Variants in DCDC2C observed in about 807,000 individuals in gnomAD.
DCDC2C encodes the protein doublecortin domain containing 2C, also known as doublecortin domain-containing protein 2C.
DCDC2C carries 44 observed loss-of-function variants against 45.0 expected under a neutral mutation model. The observed-to-expected ratio is 0.98, with a 90% CI of 0.77 to 1.26. DCDC2C has a LOEUF of 1.26. DCDC2C is among the 50% of genes most tolerant of loss of function. The pLI, the probability that DCDC2C is intolerant of heterozygous loss-of-function variation, is 0.00. For synonymous variants in DCDC2C, 187 were observed against 178.8 expected, an observed-to-expected ratio of 1.05 and a Z score of -0.37; for missense variants, 447 against 468.9, an observed-to-expected ratio of 0.95 and a Z score of 0.43.
rs752018998 is a variant in DCDC2C at position 3,726,986 on chromosome 2, G to GT, written c.340-11dup. 3.2e-6 allele frequency: 5 copies of GT among 1,549,648 alleles called. No individual in the cohort carries two copies. Among genetic ancestry groups the GT allele is most frequent in the Non-Finnish European group, 3.5e-6 (4 of 1,146,232 alleles). On this transcript the variant is annotated splice_polypyrimidine_tract_variant and intron_variant, in intron 2 of 10. Transcript: ENST00000399143. ...TAATTTGAACTGAATTCCCAGGTGT[G>GT]TTTTTTCCTTTTTCAGATCAAACCA...
chr2:3,725,742 G>A (rs66794250), intron 2 of DCDC2C, among the ~76,000 whole-genome samples: 14,156 of 105,588 alleles, frequency 0.13, 1,169 homozygotes, highest in Non-Finnish European at 0.18. Flanking sequence ...GGTGGATCCC[G>A]GAGAGAGACT....
At position 3,785,023 on chromosome 2, in the gene DCDC2C, C is replaced by T. The variant is rs78514286; in HGVS notation, c.1024-36C>T. 1.1e-4 allele frequency: 140 copies of T among 1,221,652 alleles called. No homozygotes were observed. In the East Asian group the frequency reaches 2.1e-3, roughly 18 times the overall value. The allele number at this position is 1,221,652 out of a possible 1,614,324, so 75.7% of individuals were successfully genotyped here. A position where few individuals can be genotyped will look rare whatever the true frequency, so the allele number is the denominator to read the frequency against. ...GATTTATTTTACAACATCCTTCTTG[C>T]GATAGTTGATTCCTATATTTGTTTT... On this transcript the variant is annotated intron_variant, in intron 9 of 10. Transcript: ENST00000399143.
At chr2:3,817,936 G>C (rs1671595239) in intron 10 of DCDC2C, among the ~76,000 whole-genome samples, 1 of 152,148 alleles carries the variant, frequency 6.6e-6, no homozygotes, top group Admixed American at 6.5e-5. Flanking sequence ...GAAAGGAAAG[G>C]AGTTGCTGTT....
intron 10 of DCDC2C, among the ~76,000 whole-genome samples, chr2:3,796,242 T>C (rs1670948222): frequency 9.4e-6 from 1 of 106,136 alleles, no homozygotes. Flanking sequence ...TTGCTGAAGT[T>C]GCTTATCAGC....
chr2:3,762,141 T>G (rs1669894975), intron 6 of DCDC2C, among the ~76,000 whole-genome samples: 1 of 149,746 alleles, frequency 6.7e-6, no homozygotes, highest in Non-Finnish European at 1.5e-5. Flanking sequence ...TCCTGCTTGA[T>G]CCATGTTTTC....
intron 6 of DCDC2C, among the ~76,000 whole-genome samples, chr2:3,760,824 A>G (rs1669859339): frequency 6.7e-6 from 1 of 149,406 alleles, no homozygotes; most frequent in South Asian, 2.2e-4. Context: ...CTGCACATGT[A>G]TCCCAGAACT....
rs1413578890 is a variant in DCDC2C at position 3,761,918 on chromosome 2, A to G, written c.727-5836A>G. Among the ~76,000 whole-genome samples, 1 of 152,214 alleles carries G rather than the reference A, an allele frequency of 6.6e-6. No homozygotes were observed. Among genetic ancestry groups the G allele is most frequent in the Non-Finnish European group, 1.5e-5 (1 of 68,036 alleles). ...GCTCTGGAGAAAAATAATAGTCTTT[A>G]AAGCACTGCAGAGAAATAAAACCAA... On this transcript the variant is annotated intron_variant, in intron 6 of 10. Coordinates refer to ENST00000399143, the MANE Select transcript of DCDC2C (RefSeq NM_001287444.2). The surrounding 1 kb of genome is among the most constrained non-coding windows in gnomAD (Gnocchi z 4.3).
At position 3,760,239 on chromosome 2, in the gene DCDC2C, A is replaced by AT. The variant is rs1426926016; in HGVS notation, c.726+5612dup. On this transcript the variant is annotated intron_variant, in intron 6 of 10. Coordinates refer to ENST00000399143, the MANE Select transcript of DCDC2C (RefSeq NM_001287444.2). ...GTTTCCATTTTGAATAGAAGAAAAT[A>AT]TTTTTTTCTTAATTCAGCAAAAGAA... Among the ~76,000 whole-genome samples, 3 of 152,186 alleles carry AT rather than the reference A, an allele frequency of 2.0e-5. No homozygotes were observed. The East Asian group carries it at 5.8e-4, about 29-fold the overall frequency.
chr2:3,779,826 G>A (rs1670462150), intron 9 of DCDC2C, among the ~76,000 whole-genome samples: 1 of 152,104 alleles, frequency 6.6e-6, no homozygotes, highest in African/African-American at 2.4e-5. Context: ...CCACCTTGAA[G>A]AAAGGGGAGG....
chr2:3,847,768 G>A lies in DCDC2C; in HGVS notation c.*585G>A, dbSNP rs1187830548. Among the ~76,000 whole-genome samples the A allele has an allele frequency of 6.6e-6, 1 of 152,164 alleles. No homozygotes were observed. The highest frequency in any genetic ancestry group is 6.5e-5 in the Admixed American group (1 of 15,284). On this transcript the variant is annotated 3_prime_UTR_variant, in exon 11 of 11. Transcript: ENST00000399143. Reference sequence around the variant, plus strand: ...CCGGTGGGAGGTGATTGAATCATGGGGGTGGTCTTCCCCCTTGCTGTTCTC... The same window carrying A: ...CCGGTGGGAGGTGATTGAATCATGGAGGTGGTCTTCCCCCTTGCTGTTCTC...
At chr2:3,814,573 T>C (rs1157617111) in intron 10 of DCDC2C, among the ~76,000 whole-genome samples, 1 of 152,186 alleles carries the variant, frequency 6.6e-6, no homozygotes, top group Non-Finnish European at 1.5e-5. Context: ...TGGAGAGACG[T>C]TGTGATCATT....
chr2:3,798,661 T>C (rs1183027233), intron 10 of DCDC2C, among the ~76,000 whole-genome samples: 2 of 150,474 alleles, frequency 1.3e-5, no homozygotes, highest in Non-Finnish European at 3.0e-5. Flanking sequence ...AAATTCTGGG[T>C]TGAAAATTCT....
chr2:3,794,555 C>T (rs894569677), intron 10 of DCDC2C, among the ~76,000 whole-genome samples: 1 of 152,102 alleles, frequency 6.6e-6, no homozygotes, highest in Non-Finnish European at 1.5e-5. Flanking sequence ...ATGATGTTCC[C>T]CTTCCTGTGT....
At chr2:3,744,468 A>G (rs1427561398) in intron 4 of DCDC2C, among the ~76,000 whole-genome samples, 1 of 152,200 alleles carries the variant, frequency 6.6e-6, no homozygotes, top group Non-Finnish European at 1.5e-5. Flanking sequence ...GGTGTGAAGG[A>G]CTGCCCTGGG....
At chr2:3,806,870 C>T (rs527325276) in intron 10 of DCDC2C, among the ~76,000 whole-genome samples, 2 of 152,180 alleles carry the variant, frequency 1.3e-5, no homozygotes, top group South Asian at 2.1e-4. Context: ...CTTTGTTGCT[C>T]GTGACTGCTT....
chr2:3,821,403 GC>G (rs1445401310), intron 10 of DCDC2C, among the ~76,000 whole-genome samples: 1 of 152,162 alleles, frequency 6.6e-6, no homozygotes, highest in Non-Finnish European at 1.5e-5. Context: ...TACTGAACTG[GC>G]TATGATCTCC....
At chr2:3,798,428 T>G (rs1294928877) in intron 10 of DCDC2C, among the ~76,000 whole-genome samples, 3 of 151,722 alleles carry the variant, frequency 2.0e-5, no homozygotes, top group South Asian at 2.1e-4. Context: ...GTTAGCTGGT[T>G]ATTTTGCTCG....
At chr2:3,784,295 T>TTA (rs1670591419) in intron 9 of DCDC2C, among the ~76,000 whole-genome samples, 3 of 152,180 alleles carry the variant, frequency 2.0e-5, no homozygotes, top group African/African-American at 7.2e-5. Flanking sequence ...ATGCAGCCCT[T>TTA]TGGAAAAGAG....
intron 10 of DCDC2C, among the ~76,000 whole-genome samples, chr2:3,843,536 C>G (rs982444267): frequency 4.6e-5 from 7 of 152,222 alleles, no homozygotes; most frequent in African/African-American, 7.2e-5. Context: ...AAATGGCATT[C>G]ATCCCCATAG....
Sources: gnomAD v4.1 joint callset for allele counts (sites outside exome capture counted in the v4.1 genomes callset) on GRCh38, gnomAD v4.1.1 for gene constraint, Gnocchi (gnomAD v3.1) non-coding constraint, MANE v1.5 for transcripts, NCBI Gene and HGNC (gene_info 2026-07-23, HGNC 2026-07-21) for gene names.